The following DRC8 variants were observed in gnomAD, a reference collection of about 807,000 sequenced individuals.
DRC8 encodes dynein regulatory complex subunit 8, also known as dynein regulatory complex protein 8.
chr1:245,110,457 A>G, the DRC8 span, among the ~76,000 whole-genome samples: 1 of 152,362 alleles, frequency 6.6e-6, no homozygotes, highest in East Asian at 1.9e-4. Flanking sequence ...TTTCAATACC[A>G]TGCACACAAA....
At chr1:244,970,934 C>T in the DRC8 span, 1 of 183,242 alleles carries the variant, frequency 5.5e-6, no homozygotes, top group African/African-American at 2.4e-5. Context: ...GCCGCAGGCG[C>T]CACGCCCGTA....
chr1:245,021,949 A>G, the DRC8 span, among the ~76,000 whole-genome samples: 14 of 151,910 alleles, frequency 9.2e-5, no homozygotes, highest in South Asian at 2.9e-3. Context: ...TGGGACTATA[A>G]GCACGTACCA....
At chr1:245,039,683 T>C in the DRC8 span, among the ~76,000 whole-genome samples, 2 of 152,182 alleles carry the variant, frequency 1.3e-5, no homozygotes, top group African/African-American at 4.8e-5. Flanking sequence ...CTTGTCTCTT[T>C]AGCCCTCCAG....
the DRC8 span, among the ~76,000 whole-genome samples, chr1:244,973,980 T>C: frequency 2.0e-5 from 3 of 152,222 alleles, no homozygotes; most frequent in Admixed American, 2.0e-4. Flanking sequence ...TTTCATAGAT[T>C]AAAAATTATA....
At chr1:245,029,332 C>G in the DRC8 span, among the ~76,000 whole-genome samples, 7 of 152,234 alleles carry the variant, frequency 4.6e-5, no homozygotes, top group Admixed American at 3.3e-4. Context: ...GAGCCTCACT[C>G]TGTCACCCAG....
At chr1:245,007,576 A>G in the DRC8 span, among the ~76,000 whole-genome samples, 90,744 of 152,022 alleles carry the variant, frequency 0.6, 27,498 homozygotes, top group East Asian at 0.75. Context: ...GGAAAGAGGA[A>G]TCAAAAAATG....
At chr1:245,083,711 C>T in the DRC8 span, 2 of 1,595,622 alleles carry the variant, frequency 1.3e-6, no homozygotes, top group Non-Finnish European at 1.7e-6. Context: ...TATTACTTAT[C>T]ACAATGACTT....
chr1:245,099,131 A>G, the DRC8 span, among the ~76,000 whole-genome samples: 1 of 152,110 alleles, frequency 6.6e-6, no homozygotes, highest in Non-Finnish European at 1.5e-5. Context: ...AAACCTAACA[A>G]TACGGACCAA....
chr1:245,005,823 G>A, the DRC8 span, among the ~76,000 whole-genome samples: 5 of 152,174 alleles, frequency 3.3e-5, no homozygotes, highest in African/African-American at 1.2e-4. Context: ...AAAAGAGAAG[G>A]GAAGCCTTCA....
At chr1:245,027,384 G>GA in the DRC8 span, among the ~76,000 whole-genome samples, 1 of 151,944 alleles carries the variant, frequency 6.6e-6, no homozygotes, top group East Asian at 1.9e-4. Context: ...AGATATTGAA[G>GA]AAAAAATCTA....
At chr1:245,080,723 T>C in the DRC8 span, among the ~76,000 whole-genome samples, 1 of 152,226 alleles carries the variant, frequency 6.6e-6, no homozygotes, top group Non-Finnish European at 1.5e-5. Flanking sequence ...GCCCTTGTCA[T>C]ATCTGCTTAG....
chr1:245,087,488 A>G, the DRC8 span: 2 of 1,390,548 alleles, frequency 1.4e-6, no homozygotes, highest in Non-Finnish European at 1.9e-6. Context: ...ATTTTAAGAC[A>G]CTTTGTTTTT....
chr1:245,083,615 C>A, the DRC8 span: 1 of 1,605,758 alleles, frequency 6.2e-7, no homozygotes. Flanking sequence ...CTTTTCTTTT[C>A]CCCTAGGTTT....
the DRC8 span, among the ~76,000 whole-genome samples, chr1:245,031,355 AGACCATGT>A: frequency 6.6e-6 from 1 of 152,076 alleles, no homozygotes; most frequent in Non-Finnish European, 1.5e-5. Context: ...TGGTCTAGCT[AGACCATGT>A]GACCTAGTTT....
the DRC8 span, chr1:245,002,204 C>A: frequency 6.2e-7 from 1 of 1,609,966 alleles, no homozygotes; most frequent in Non-Finnish European, 8.5e-7. Context: ...GAGACCATCA[C>A]ACAATGACGG....
the DRC8 span, among the ~76,000 whole-genome samples, chr1:245,040,571 A>G: frequency 3.3e-5 from 5 of 152,332 alleles, no homozygotes; most frequent in East Asian, 7.7e-4. Context: ...ATAGATTGAC[A>G]TTAGAATTAA....
chr1:245,057,037 G>A, the DRC8 span, among the ~76,000 whole-genome samples: 8 of 152,242 alleles, frequency 5.3e-5, no homozygotes, highest in African/African-American at 1.4e-4. Flanking sequence ...CAAAAAAAGG[G>A]AAGTGATGTA....
At chr1:245,016,501 C>T in the DRC8 span, among the ~76,000 whole-genome samples, 16 of 152,246 alleles carry the variant, frequency 1.1e-4, no homozygotes, top group Non-Finnish European at 1.6e-4. Context: ...CAGCACTCCT[C>T]GTGTCCCTAC....
chr1:244,970,727 T>C, the DRC8 span: 3 of 453,392 alleles, frequency 6.6e-6, no homozygotes, highest in East Asian at 7.8e-5. Flanking sequence ...CCTCCCGCCT[T>C]CTTCTTTCTC....
Sources: gnomAD v4.1 joint callset for allele counts (sites outside exome capture counted in the v4.1 genomes callset) on GRCh38, gnomAD v4.1.1 for gene constraint, MANE v1.5 for transcripts, NCBI Gene and HGNC (gene_info 2026-07-23, HGNC 2026-07-21) for gene names.